The following CCDC62 variants were observed in gnomAD, a reference collection of about 807,000 sequenced individuals.
The protein encoded by CCDC62 is coiled-coil domain containing 62.
In CCDC62, 72 loss-of-function variants were observed where a neutral mutation model predicts 80.8. That is an observed-to-expected ratio of 0.89 (90% CI 0.74 to 1.08). The LOEUF (loss-of-function observed/expected upper bound fraction) is 1.08. Among genes scored for constraint, CCDC62 ranks in the 50% least tolerant of loss-of-function variants. The probability of loss-of-function intolerance (pLI) is 0.00; values close to 1 mark genes in which losing one functional copy is unlikely to be tolerated. For synonymous variants in CCDC62, 286 were observed against 296.5 expected (o/e 0.96, Z 0.36); for missense variants, 704 against 809.4 (o/e 0.87, Z 1.58).
intron 3 of CCDC62, among the ~76,000 whole-genome samples, chr12:122,785,088 G>A (rs372496655): frequency 6.6e-6 from 1 of 151,968 alleles, no homozygotes; most frequent in African/African-American, 2.4e-5. Context: ...GCAGTGAGCC[G>A]AGGTCATCCC....
intron 5 of CCDC62, 76 bp from the exon 6 acceptor site, chr12:122,791,944 G>C (rs2030635217): frequency 1.1e-6 from 1 of 950,050 alleles, no homozygotes; most frequent in Non-Finnish European, 1.7e-6. Context: ...GAGGATGTGA[G>C]AGTTAGGCAT....
chr12:122,775,772 C>T (rs973094489), intron 1 of CCDC62, among the ~76,000 whole-genome samples: 8 of 152,164 alleles, frequency 5.3e-5, no homozygotes, highest in African/African-American at 1.9e-4. Flanking sequence ...ACCACCATGC[C>T]GAGCTAATTT....
rs398021452 is a variant in CCDC62, at chr12:122,805,209, T to TG, written c.1707-941dup. On this transcript the variant is annotated intron_variant, in intron 9 of 12. Transcript: ENST00000253079. The stretch of plus-strand genomic sequence containing the variant: ...CGGCTTTTTTTTTTTTTTTTTTTTT[T>TG]GTGAGAATTAGTCTGTTTTAATTTT... 2.8e-5 allele frequency among the ~76,000 whole-genome samples: 4 copies of TG among 141,044 alleles called. No individual in the cohort carries two copies. In the South Asian group the frequency reaches 6.5e-4, roughly 23 times the overall value. 92.5% of individuals were successfully genotyped at this position (141,044 alleles called of 152,430 possible).
chr12:122,776,134 T>C (rs1406033945), intron 1 of CCDC62, among the ~76,000 whole-genome samples: 2 of 152,208 alleles, frequency 1.3e-5, no homozygotes, highest in Non-Finnish European at 2.9e-5. Flanking sequence ...GGGCCAGGCT[T>C]TGTGCTCAGT....
At chr12:122,790,916 G>T (rs1362902623) in intron 5 of CCDC62, among the ~76,000 whole-genome samples, 1 of 150,850 alleles carries the variant, frequency 6.6e-6, no homozygotes, top group Non-Finnish European at 1.5e-5. Context: ...AGTTTTAGGA[G>T]CTCTGTTCTC....
rs1566079716 is a variant in CCDC62 at position 122,801,294 on chromosome 12, T to C, written c.1148T>C (p.Ile383Thr). The stretch of plus-strand genomic sequence containing the variant: ...GAATGCAAAGAGAAGAAACAACAGA[T>C]CGATACTGTGTTTGGGGAGAAAAGT... The part of the protein sequence containing the change: ...CDECKEKKQQ[I>T]DTVFGEKSVI... Residue 383 changes from isoleucine (I) to threonine (T), a missense_variant, in exon 9 of 13, where the codon ATC becomes ACC. Physicochemically the swap from Ile to Thr is moderately conservative, Grantham distance 89. Coordinates refer to ENST00000253079, the MANE Select transcript of CCDC62 (RefSeq NM_201435.5). The C allele has an allele frequency of 6.2e-7, 1 of 1,614,136 alleles. No homozygotes were observed.
intron 4 of CCDC62, 34 bp from the exon 5 acceptor site, chr12:122,788,724 A>G: frequency 7.5e-7 from 1 of 1,339,612 alleles, no homozygotes; most frequent in South Asian, 1.4e-5. Context: ...GAATTTAAGA[A>G]TCTAGGATAA....
intron 6 of CCDC62, among the ~76,000 whole-genome samples, chr12:122,794,188 A>T (rs1425815841): frequency 6.6e-6 from 1 of 152,134 alleles, no homozygotes; most frequent in Non-Finnish European, 1.5e-5. Context: ...ATTATAATAA[A>T]TCGATTTTGT....
intron 11 of CCDC62, among the ~76,000 whole-genome samples, chr12:122,817,182 G>T (rs1303490651): frequency 1.3e-5 from 2 of 150,680 alleles, no homozygotes; most frequent in Middle Eastern, 3.5e-3. Flanking sequence ...CTCCCAAGTA[G>T]CTGGGACTAC....
In CCDC62 at chr12:122,781,230, A is replaced by G; in HGVS notation, c.296A>G (p.Asn99Ser). The G allele has an allele frequency of 1.2e-6, 2 of 1,614,040 alleles. No homozygotes were observed. Among genetic ancestry groups the G allele is most frequent in the Non-Finnish European group, 1.7e-6 (2 of 1,179,894 alleles). The change falls in exon 3 of 13, where the codon AAT becomes AGT. Residue 99 changes from asparagine (N) to serine (S), a missense_variant. Transcript: ENST00000253079. ...AAGAAGGTAAAAGCTCTTGAATCCA[A>G]TCAAATGGAATGCCAAACAGCTCTC... is the stretch of plus-strand genomic sequence containing the variant. ...LTKKVKALES[N>S]QMECQTALQK...
At chr12:122,799,240 T>C (rs1280143984) in intron 8 of CCDC62, among the ~76,000 whole-genome samples, 1 of 152,180 alleles carries the variant, frequency 6.6e-6, no homozygotes. Flanking sequence ...GATTTTCCCT[T>C]CTGTTGTGTA....
At chr12:122,776,543 G>A (rs377566041) in intron 1 of CCDC62, 6 of 152,170 alleles carry the variant, frequency 3.9e-5, no homozygotes, top group African/African-American at 1.4e-4. Context: ...CAGAGTATAT[G>A]GGAGTTTATC....
chr12:122,804,661 A>G (rs2031486976), intron 9 of CCDC62, among the ~76,000 whole-genome samples: 1 of 152,160 alleles, frequency 6.6e-6, no homozygotes, highest in Non-Finnish European at 1.5e-5. Context: ...ATTAACAAAA[A>G]TCAATCTCAC....
rs1879542154 is a variant in CCDC62, at chr12:122,777,506, G to A, written c.52G>A (p.Val18Ile). The A allele has an allele frequency of 1.9e-6, 3 of 1,612,198 alleles. No homozygotes were observed. The highest frequency in any genetic ancestry group is 1.1e-5 in the South Asian group (1 of 90,796). Residue 18 changes from valine to isoleucine, a missense_variant, in exon 2 of 13, where the codon GTT becomes ATT. Coordinates refer to ENST00000253079, the MANE Select transcript of CCDC62 (RefSeq NM_201435.5). ...LAGRQNIGSE[V>I]EISTIEKQRK... Reference sequence around the variant, plus strand: ...CTATGTTTAGAACATCGGGTCAGAAGTTGAGATTTCCACTATCGAGAAACA... The same window carrying A: ...CTATGTTTAGAACATCGGGTCAGAAATTGAGATTTCCACTATCGAGAAACA...
intron 9 of CCDC62, among the ~76,000 whole-genome samples, chr12:122,805,373 GTC>G (rs1264974186): frequency 2.4e-5 from 3 of 122,824 alleles, no homozygotes; most frequent in Admixed American, 9.4e-5. Context: ...GAGACAGAGT[GTC>G]TCTCTGTCAC....
At chr12:122,790,892 T>C (rs2030560103) in intron 5 of CCDC62, among the ~76,000 whole-genome samples, 1 of 151,960 alleles carries the variant, frequency 6.6e-6, no homozygotes. Context: ...TTCTGTCACT[T>C]AGGAAATTCC....
intron 8 of CCDC62, among the ~76,000 whole-genome samples, chr12:122,800,426 A>AT (rs1260622362): frequency 5.0e-4 from 76 of 150,902 alleles, no homozygotes; most frequent in African/African-American, 1.8e-3. Context: ...ATAAAAAAAA[A>AT]ATTTTTTTTT....
chr12:122,775,449 G>A (rs1170740502), intron 1 of CCDC62, among the ~76,000 whole-genome samples: 1 of 152,146 alleles, frequency 6.6e-6, no homozygotes, highest in African/African-American at 2.4e-5. Flanking sequence ...TGTGCTCCTT[G>A]CCTGGAGGTC....
chr12:122,782,345 C>T (rs2029915364), intron 3 of CCDC62, among the ~76,000 whole-genome samples: 1 of 152,134 alleles, frequency 6.6e-6, no homozygotes. Context: ...ACCGTTATGC[C>T]ATTTGGTTTA....
Sources: allele counts gnomAD v4.1 joint callset (sites outside exome capture counted in the v4.1 genomes callset), GRCh38; gene constraint gnomAD v4.1.1; transcripts MANE v1.5; gene names NCBI Gene and HGNC (gene_info 2026-07-23, HGNC 2026-07-21).